Variants in RNF214 observed in about 807,000 individuals in gnomAD.
The protein encoded by RNF214 is ring finger protein 214.
Under a neutral mutation model 75.9 loss-of-function variants are expected in RNF214, and 25 were observed. That is an observed-to-expected ratio of 0.33 (90% confidence interval 0.24 to 0.46). The LOEUF (loss-of-function observed/expected upper bound fraction) is 0.46. RNF214 is among the 20% of genes least tolerant of loss of function. The pLI is 1.00. For missense variants in RNF214, 725 were observed against 857.5 expected (o/e 0.85, Z 1.93); for synonymous variants, 314 against 308.8 (o/e 1.02, Z -0.18).
At chr11:117,255,913 A>G (rs1591827307) in intron 6 of RNF214, among the ~76,000 whole-genome samples, 2 of 152,260 alleles carry the variant, frequency 1.3e-5, no homozygotes, top group South Asian at 4.1e-4. Context: ...AAATTTTTTC[A>G]TAGTTCTGTA....
chr11:117,264,681 G>A (rs947861490), intron 6 of RNF214, among the ~76,000 whole-genome samples: 1 of 152,062 alleles, frequency 6.6e-6, no homozygotes, highest in South Asian at 2.1e-4. Flanking sequence ...TATAGACACT[G>A]CATTTGTCTT....
At chr11:117,236,032 C>A (rs1055945918) in intron 2 of RNF214, among the ~76,000 whole-genome samples, 5 of 151,912 alleles carry the variant, frequency 3.3e-5, no homozygotes, top group African/African-American at 9.7e-5. Context: ...GCGATCTTGG[C>A]TCACTGCGAC....
chr11:117,239,480 GC>G, intron 3 of RNF214: 1 of 458,238 alleles, frequency 2.2e-6, no homozygotes, highest in Non-Finnish European at 3.9e-6. Flanking sequence ...AGTGTATCCT[GC>G]CTTCTAGTGA....
Position 117,234,370 on chromosome 11 carries a change from A to T in RNF214, c.98A>T (p.Asp33Val). 6.2e-7 allele frequency: 1 copy of T among 1,611,786 alleles called. No individual in the cohort carries two copies. Among genetic ancestry groups the T allele is most frequent in the South Asian group, 1.1e-5 (1 of 91,056 alleles). ...CASKSDEGLP[D>V]GLSTKDSAQK... ...TCCAAATCAGACGAAGGTCTCCCAG[A>T]TGGTCTAAGGTAATGTGTGGACTCC... The change falls in exon 2 of 15, where the codon GAT becomes GTT. Residue 33 changes from aspartate to valine, a missense_variant. Transcript: ENST00000300650.
chr11:117,278,634 A>C (rs2034064992), intron 6 of RNF214, among the ~76,000 whole-genome samples: 1 of 152,188 alleles, frequency 6.6e-6, no homozygotes, highest in African/African-American at 2.4e-5. Context: ...GGGGGAAAAC[A>C]TGTAAGGAGG....
chr11:117,274,536 T>A lies in RNF214; in HGVS notation c.960-5372T>A, dbSNP rs186738848. Among the ~76,000 whole-genome samples the A allele has an allele frequency of 3.7e-4, 56 of 151,784 alleles. No homozygotes were observed. The East Asian group carries it at 0.01, about 28-fold the overall frequency. On this transcript the variant is annotated intron_variant, in intron 6 of 14. Transcript: ENST00000300650. ...CACTACCACACTCGGCTAATTTTTT[T>A]TTTGTATTTTTAGTAGAGACGAGGT...
At chr11:117,237,075 C>T (rs2032930887) in intron 2 of RNF214, among the ~76,000 whole-genome samples, 1 of 152,058 alleles carries the variant, frequency 6.6e-6, no homozygotes, top group Non-Finnish European at 1.5e-5. Context: ...GAATCAGCTT[C>T]GAGTGTTTTT....
intron 4 of RNF214, among the ~76,000 whole-genome samples, chr11:117,241,893 A>G (rs1454904342): frequency 2.0e-5 from 3 of 152,236 alleles, no homozygotes; most frequent in African/African-American, 7.2e-5. Flanking sequence ...TAGTACAGAT[A>G]CAGTATAATT....
At chr11:117,270,105 A>G (rs1187393778) in intron 6 of RNF214, among the ~76,000 whole-genome samples, 2 of 152,172 alleles carry the variant, frequency 1.3e-5, no homozygotes, top group African/African-American at 4.8e-5. Flanking sequence ...TTTCTTAGAT[A>G]AGGAAATTCC....
intron 6 of RNF214, among the ~76,000 whole-genome samples, chr11:117,252,253 G>T (rs547917597): frequency 4.2e-4 from 64 of 152,222 alleles, no homozygotes; most frequent in Non-Finnish European, 1.6e-4. Context: ...GACTTATCTT[G>T]TCAGAGCCTA....
intron 6 of RNF214, among the ~76,000 whole-genome samples, chr11:117,262,223 A>G (rs972171098): frequency 1.3e-5 from 2 of 151,708 alleles, no homozygotes; most frequent in Admixed American, 6.6e-5. Flanking sequence ...AGTAGCTGGG[A>G]CTACAGGCAC....
chr11:117,267,241 T>C (rs1250557217), intron 6 of RNF214, among the ~76,000 whole-genome samples: 2 of 152,216 alleles, frequency 1.3e-5, no homozygotes, highest in Non-Finnish European at 2.9e-5. Flanking sequence ...AAAGGCAAAA[T>C]TTTGATGAAG....
intron 5 of RNF214, among the ~76,000 whole-genome samples, chr11:117,245,325 AG>A (rs2033188416): frequency 6.6e-6 from 1 of 150,930 alleles, no homozygotes; most frequent in South Asian, 2.1e-4. Flanking sequence ...TCTCAAAAAA[AG>A]TATTAATACT....
intron 6 of RNF214, among the ~76,000 whole-genome samples, chr11:117,270,394 C>T (rs2033885799): frequency 6.6e-6 from 1 of 151,368 alleles, no homozygotes; most frequent in Non-Finnish European, 1.5e-5. Flanking sequence ...AGTAGCTGGG[C>T]CTACAAGCAT....
In RNF214 at chr11:117,283,196, G is replaced by A. The variant is rs1004829247; in HGVS notation, c.2032G>A (p.Val678Ile). Residue 678 changes from valine to isoleucine, a missense_variant, in exon 14 of 15, where the codon GTA becomes ATA. Coordinates refer to ENST00000300650, the MANE Select transcript of RNF214 (RefSeq NM_207343.4). Reference protein sequence around the residue: ...SELHPMACTHVLHKECIKFWA... With the variant: ...SELHPMACTHILHKECIKFWA... ...GCTGCATCCAATGGCGTGTACCCAT[G>A]TATTGCACAAGGAGGTAGGTGTTAC... 2.5e-6 allele frequency: 4 copies of A among 1,612,368 alleles called. No homozygotes were observed. The African/African-American group carries it at 5.3e-5, about 22-fold the overall frequency.
At chr11:117,247,206 C>T (rs191991052) in intron 6 of RNF214, among the ~76,000 whole-genome samples, 4 of 152,166 alleles carry the variant, frequency 2.6e-5, no homozygotes, top group East Asian at 1.9e-4. Context: ...GAGTTCGATA[C>T]GGGCTGGACG....
intron 4 of RNF214, among the ~76,000 whole-genome samples, chr11:117,240,744 A>T (rs746940811): frequency 1.3e-5 from 2 of 151,662 alleles, no homozygotes; most frequent in Non-Finnish European, 2.9e-5. Context: ...TAAAAACCTT[A>T]TAACTTCTTG....
Position 117,281,882 on chromosome 11 carries a change from TCTC to T in RNF214, c.1336-8_1336-6del, listed in dbSNP as rs775215712. 5.0e-6 allele frequency: 8 copies of T among 1,610,714 alleles called. No homozygotes were observed. Among genetic ancestry groups the T allele is most frequent in the East Asian group, 2.2e-5 (1 of 44,828 alleles). On this transcript the variant is annotated splice_polypyrimidine_tract_variant and intron_variant, in intron 10 of 14. Coordinates refer to ENST00000300650, the MANE Select transcript of RNF214 (RefSeq NM_207343.4). The stretch of plus-strand genomic sequence containing the variant: ...CCTTTCTCTCTCGTCCTCTACCTCT[TCTC>T]CTCTGCAGACAGACTTCATGCTTCA...
intron 8 of RNF214, among the ~76,000 whole-genome samples, chr11:117,280,605 G>A (rs1242802956): frequency 1.3e-5 from 2 of 152,174 alleles, no homozygotes; most frequent in African/African-American, 2.4e-5. Flanking sequence ...CCAGGAGGCC[G>A]AGGCTGCAGT....
Sources: allele counts gnomAD v4.1 joint callset (sites outside exome capture counted in the v4.1 genomes callset), GRCh38; gene constraint gnomAD v4.1.1; transcripts MANE v1.5; gene names NCBI Gene and HGNC (gene_info 2026-07-23, HGNC 2026-07-21).